The following COX15 variants were observed in gnomAD, a reference collection of about 807,000 sequenced individuals.
COX15 encodes heme A synthase COX15.
COX15 carries 51 observed loss-of-function variants against 51.9 expected under a neutral mutation model. The ratio of observed to expected loss-of-function variants is 0.98; its 90% CI spans 0.78 to 1.24. The LOEUF is 1.24. COX15 is among the 50% of genes most tolerant of loss of function. The probability of loss-of-function intolerance (pLI) is 0.00; values close to 1 mark genes in which losing one functional copy is unlikely to be tolerated. For synonymous variants in COX15, 188 were observed against 190.5 expected (o/e 0.99, Z 0.11); for missense variants, 420 against 501.1 (o/e 0.84, Z 1.55).
At chr10:99,698,097 C>G in the COX15 span, 1 of 208,450 alleles carries the variant, frequency 4.8e-6, no homozygotes, top group Non-Finnish European at 9.8e-6. Context: ...CCAGCCATTG[C>G]ACATGGGCCA....
chr10:99,700,812 G>C, the COX15 span: 4 of 684,844 alleles, frequency 5.8e-6, no homozygotes, highest in Non-Finnish European at 1.1e-5. Flanking sequence ...GAATAAACAG[G>C]GGTATGACGC....
chr10:99,702,774 G>A, the COX15 span: 1 of 1,115,322 alleles, frequency 9.0e-7, no homozygotes, highest in Admixed American at 3.7e-5. Flanking sequence ...GCTTAGAATA[G>A]GTCTTAAGTG....
At chr10:99,721,200 C>A (rs1032722736) in intron 5 of COX15, 132 bp from the exon 6 acceptor site, 2 of 713,208 alleles carry the variant, frequency 2.8e-6, no homozygotes, top group Non-Finnish European at 5.1e-6. Context: ...AGGTTAAGTA[C>A]TCCTGGCAGA....
chr10:99,710,445 G>T (rs1363044917), downstream of COX15: 1 of 984,542 alleles, frequency 1.0e-6, no homozygotes, highest in East Asian at 1.1e-4. Flanking sequence ...TTTTTATTAT[G>T]ATCTACACTT....
At chr10:99,697,898 T>C in the COX15 span, 1 of 154,074 alleles carries the variant, frequency 6.5e-6, no homozygotes, top group Admixed American at 6.4e-5. Flanking sequence ...AATGAGAATA[T>C]GGTTGCTAGG....
chr10:99,707,849 A>AT (rs2036282791), downstream of COX15, among the ~76,000 whole-genome samples: 1 of 151,950 alleles, frequency 6.6e-6, no homozygotes, highest in Non-Finnish European at 1.5e-5. Flanking sequence ...AAATTATACC[A>AT]TTTTTTCTCT....
At chr10:99,709,426 C>T (rs1434143804), downstream of COX15, 11 of 985,264 alleles carry the variant, frequency 1.1e-5, no homozygotes, top group Non-Finnish European at 1.3e-5. Flanking sequence ...CAGATTCCAG[C>T]CCCTGGGGCA....
intron 7 of COX15, among the ~76,000 whole-genome samples, chr10:99,717,448 C>T (rs1450319103): frequency 1.3e-5 from 2 of 152,158 alleles, no homozygotes; most frequent in Non-Finnish European, 2.9e-5. Flanking sequence ...TGGGCTCAAG[C>T]GATCCTCTTG....
chr10:99,695,859 A>G, the COX15 span: 1 of 1,096,034 alleles, frequency 9.1e-7, no homozygotes, highest in Non-Finnish European at 1.3e-6. Flanking sequence ...TTTAAAGAGT[A>G]GTCATAGAAA....
rs368808113 is a variant in COX15, at chr10:99,729,632, C to A, written c.193G>T (p.Ala65Ser). 6.2e-7 allele frequency: 1 copy of A among 1,614,134 alleles called. No homozygotes were observed. The highest frequency in any genetic ancestry group is 8.5e-7 in the Non-Finnish European group (1 of 1,180,022). Residue 65 changes from alanine (A) to serine (S), a missense_variant, in exon 2 of 9, where the codon GCT becomes TCT. Coordinates refer to ENST00000016171, the MANE Select transcript of COX15 (RefSeq NM_078470.6). ...AGCCATCGGCCCACCACCCGCTCAG[C>A]AGCCTTTGAGGGAAGGGACACTGTA... ...RGTVSLPSKA[A>S]ERVVGRWLLV...
At chr10:99,724,725 T>A (rs1411918537) in intron 4 of COX15, among the ~76,000 whole-genome samples, 1 of 151,156 alleles carries the variant, frequency 6.6e-6, no homozygotes, top group Non-Finnish European at 1.5e-5. Flanking sequence ...TAACAGTAGC[T>A]GATGAGCTTT....
chr10:99,725,357 C>T (rs1472486306), intron 4 of COX15, among the ~76,000 whole-genome samples: 3 of 152,208 alleles, frequency 2.0e-5, no homozygotes, highest in African/African-American at 7.2e-5. Flanking sequence ...TTCACTAGCC[C>T]ACTTTCTTCT....
At chr10:99,716,601 G>A in intron 7 of COX15, 140 bp from the exon 8 acceptor site, 1 of 649,180 alleles carries the variant, frequency 1.5e-6, no homozygotes, top group East Asian at 2.9e-5. Context: ...TGCAGTCCCA[G>A]CCTGATCACT....
chr10:99,706,336 C>CTTTTTTTTT (rs112095426), downstream of COX15: 1 of 147,702 alleles, frequency 6.8e-6, no homozygotes. Flanking sequence ...GACTCTGTTC[C>CTTTTTTTTT]TTTTTTTTTT....
At chr10:99,701,275 T>G in the COX15 span, among the ~76,000 whole-genome samples, 1 of 138,458 alleles carries the variant, frequency 7.2e-6, no homozygotes, top group Non-Finnish European at 1.5e-5. Context: ...AACAAGTGAT[T>G]TGACAACAAA....
intron 8 of COX15, 49 bp from the exon 9 acceptor site, chr10:99,714,767 A>G: frequency 6.2e-7 from 1 of 1,608,884 alleles, no homozygotes; most frequent in East Asian, 2.2e-5. Flanking sequence ...CCCAAAGTTC[A>G]CATTGAAAAT....
chr10:99,719,252 C>T (rs2036680536), intron 6 of COX15, among the ~76,000 whole-genome samples: 1 of 151,852 alleles, frequency 6.6e-6, no homozygotes, highest in African/African-American at 2.4e-5. Context: ...CGCAGTCTGG[C>T]TCTGTCCCCC....
rs756241995 is a variant in COX15 at position 99,714,659 on chromosome 10, G to A, written c.1161C>T (p.His387=). ...TGAGCAAAGCCAAGGAGCCTGACTGGTGAGTGGCGGCCAGAGGAGTTGGGA... is the reference window on the plus strand; with the variant it reads ...TGAGCAAAGCCAAGGAGCCTGACTGATGAGTGGCGGCCAGAGGAGTTGGGA... The part of the protein sequence containing the change: ...MYVPTPLAAT[H]QSGSLALLTG... The change falls in exon 9 of 9, where the codon CAC becomes CAT. Residue 387 remains histidine (H), a synonymous_variant. Coordinates refer to ENST00000016171, the MANE Select transcript of COX15 (RefSeq NM_078470.6). 1.6e-5 allele frequency: 26 copies of A among 1,613,986 alleles called. No individual in the cohort carries two copies. In the Admixed American group the frequency reaches 2.0e-4, roughly 12 times the overall value.
At chr10:99,716,029 T>C (rs907914522) in intron 8 of COX15, among the ~76,000 whole-genome samples, 18 of 151,550 alleles carry the variant, frequency 1.2e-4, no homozygotes, top group Admixed American at 7.9e-4. Context: ...TCTCACTCTG[T>C]TGTCTAGGCT....
Sources: allele counts gnomAD v4.1 joint callset (sites outside exome capture counted in the v4.1 genomes callset), GRCh38; gene constraint gnomAD v4.1.1; transcripts MANE v1.5; gene names NCBI Gene and HGNC (gene_info 2026-07-23, HGNC 2026-07-21).